Variants in GNAQ observed in about 807,000 individuals in gnomAD.
GNAQ encodes guanine nucleotide-binding protein G(q) subunit alpha.
GNAQ carries 8 observed loss-of-function variants against 43.9 expected under a neutral mutation model. That is an observed-to-expected ratio of 0.18 (90% CI 0.11 to 0.33). The LOEUF (loss-of-function observed/expected upper bound fraction) is 0.33, where lower values mean the gene tolerates loss of function less well. GNAQ is among the 10% of genes least tolerant of loss of function. GNAQ has a pLI of 1.00. For missense variants in GNAQ, 158 were observed against 450.8 expected (o/e 0.35, Z 5.88); for synonymous variants, 155 against 170.7 (o/e 0.91, Z 0.71).
chr9:77,798,443 A>ATGT (rs1826692492), intron 3 of GNAQ, among the ~76,000 whole-genome samples: 1 of 152,176 alleles, frequency 6.6e-6, no homozygotes, highest in Non-Finnish European at 1.5e-5. Flanking sequence ...ACATGATCAA[A>ATGT]ACCAGGGAAA....
chr9:77,721,413 G>A lies in GNAQ; in HGVS notation c.990C>T (p.Cys330=), dbSNP rs764430308. ...AGCGGATATTCTCGGTGTCTGTGGC[G>A]CACGTGAAGTGGGAGTAGATAATTT... is the stretch of plus-strand genomic sequence containing the variant. The part of the protein sequence containing the change: ...SDKIIYSHFT[C]ATDTENIRFV... The change falls in exon 7 of 7, where the codon TGC becomes TGT. Residue 330 remains cysteine, a synonymous_variant. Coordinates refer to ENST00000286548, the MANE Select transcript of GNAQ (RefSeq NM_002072.5). 13 of 1,612,942 alleles carry A rather than the reference G, an allele frequency of 8.1e-6. No homozygotes were observed. The East Asian group carries it at 1.6e-4, about 19-fold the overall frequency.
At chr9:78,031,048 G>C in intron 1 of GNAQ, 52 bp downstream of exon 1, 2 of 1,328,916 alleles carry the variant, frequency 1.5e-6, no homozygotes, top group South Asian at 1.8e-5. Flanking sequence ...GCAGGGCCAA[G>C]GATGGTGGGC....
intron 2 of GNAQ, among the ~76,000 whole-genome samples, chr9:77,853,894 C>A (rs1827712382): frequency 6.6e-6 from 1 of 151,906 alleles, no homozygotes; most frequent in East Asian, 1.9e-4. Flanking sequence ...CATAAACCAC[C>A]TAAATGAATT....
At chr9:77,823,746 G>A (rs1225231155) in intron 2 of GNAQ, among the ~76,000 whole-genome samples, 2 of 152,108 alleles carry the variant, frequency 1.3e-5, no homozygotes, top group Non-Finnish European at 2.9e-5. Context: ...TCACTATCAT[G>A]AGAACAGCAA....
chr9:77,924,229 T>A (rs1043242799), intron 1 of GNAQ, among the ~76,000 whole-genome samples: 3 of 152,176 alleles, frequency 2.0e-5, no homozygotes, highest in Non-Finnish European at 4.4e-5. Context: ...GAATACTGGA[T>A]AAAAGCATAA....
chr9:77,844,134 T>C (rs1169903753), intron 2 of GNAQ, among the ~76,000 whole-genome samples: 1 of 152,182 alleles, frequency 6.6e-6, no homozygotes. Context: ...AGAACACTAA[T>C]CTCAAGTTAT....
chr9:77,760,899 A>G (rs1825994641), intron 5 of GNAQ, among the ~76,000 whole-genome samples: 1 of 135,232 alleles, frequency 7.4e-6, no homozygotes. Context: ...CCCGGTCGCG[A>G]CCCCGTCTGG....
intron 1 of GNAQ, among the ~76,000 whole-genome samples, chr9:77,971,547 G>GGC (rs1823236819): frequency 6.6e-6 from 1 of 152,200 alleles, no homozygotes; most frequent in South Asian, 2.1e-4. Flanking sequence ...CGTCTCAATA[G>GGC]ATGCAGAAAA....
intron 1 of GNAQ, among the ~76,000 whole-genome samples, chr9:77,979,616 G>A (rs1449436342): frequency 1.3e-5 from 2 of 151,960 alleles, no homozygotes; most frequent in African/African-American, 4.8e-5. Flanking sequence ...AAAGCCCCAG[G>A]GTGCATGCCC....
At chr9:77,828,682 C>T (rs1435877268) in intron 2 of GNAQ, among the ~76,000 whole-genome samples, 1 of 152,210 alleles carries the variant, frequency 6.6e-6, no homozygotes, top group African/African-American at 2.4e-5. Flanking sequence ...TGGGGCTGAG[C>T]TGTCTTGCCT....
At chr9:77,935,734 T>A (rs1300723986) in intron 1 of GNAQ, among the ~76,000 whole-genome samples, 2 of 152,154 alleles carry the variant, frequency 1.3e-5, no homozygotes, top group Non-Finnish European at 2.9e-5. Context: ...AATTTAAATT[T>A]TGTCCTCTAA....
intron 2 of GNAQ, among the ~76,000 whole-genome samples, chr9:77,819,537 A>G (rs931961996): frequency 1.3e-5 from 2 of 152,140 alleles, no homozygotes; most frequent in Admixed American, 6.5e-5. Context: ...TAGAAAGCCA[A>G]ATGGTAACTT....
intron 4 of GNAQ, among the ~76,000 whole-genome samples, chr9:77,796,096 C>G (rs577238813): frequency 6.6e-6 from 1 of 152,176 alleles, no homozygotes; most frequent in Non-Finnish European, 1.5e-5. Context: ...ATATAGAATG[C>G]TGGAGCTACA....
At chr9:77,722,311 A>G (rs1466034821) in intron 6 of GNAQ, among the ~76,000 whole-genome samples, 5 of 151,496 alleles carry the variant, frequency 3.3e-5, no homozygotes, top group Admixed American at 3.3e-4. Context: ...TAATTTTTAT[A>G]TTTTTAGTAG....
chr9:77,755,029 C>T lies in GNAQ; in HGVS notation c.736-26362G>A, dbSNP rs551304477. Among the ~76,000 whole-genome samples the T allele has an allele frequency of 2.6e-5, 4 of 152,266 alleles. No homozygotes were observed. In the South Asian group the frequency reaches 8.3e-4, roughly 32 times the overall value. The stretch of plus-strand genomic sequence containing the variant: ...ATAAAGAAAATGTGATACATATACA[C>T]AATGGAGTACTACTGTGCCTTAAAA... On this transcript the variant is annotated intron_variant, in intron 5 of 6. Transcript: ENST00000286548.
At chr9:77,998,986 G>T (rs962164426) in intron 1 of GNAQ, among the ~76,000 whole-genome samples, 21 of 151,518 alleles carry the variant, frequency 1.4e-4, no homozygotes, top group Non-Finnish European at 2.4e-4. Context: ...AGCTACTTCG[G>T]GGGGCTGAGG....
rs1825441906 is a variant in GNAQ at position 77,728,895 on chromosome 9, A to T, written c.736-228T>A. 2.6e-5 allele frequency among the ~76,000 whole-genome samples: 4 copies of T among 152,218 alleles called. No individual in the cohort carries two copies. The South Asian group carries it at 8.3e-4, about 31-fold the overall frequency. On this transcript the variant is annotated intron_variant, in intron 5 of 6. Coordinates refer to ENST00000286548, the MANE Select transcript of GNAQ (RefSeq NM_002072.5). ...AAGCAGAAGAGAGTAATAATAATAA[A>T]AATCAGCTAAAATAGCTCTTACGGT...
intron 1 of GNAQ, among the ~76,000 whole-genome samples, chr9:78,014,984 AACCT>A (rs1311109475): frequency 2.6e-5 from 4 of 152,178 alleles, no homozygotes; most frequent in East Asian, 1.9e-4. Context: ...TTGTGTAACA[AACCT>A]ACCAAGCTGC....
rs568533823 is a variant in GNAQ at position 77,759,576 on chromosome 9, C to T, written c.736-30909G>A. On this transcript the variant is annotated intron_variant, in intron 5 of 6. Coordinates refer to ENST00000286548, the MANE Select transcript of GNAQ (RefSeq NM_002072.5). ...TAAGTACTGCTCCCTCTACTGTGGA[C>T]CATGTGGCAGGTCTATGGAACAGTG... Among the ~76,000 whole-genome samples, 6 of 152,290 alleles carry T rather than the reference C, an allele frequency of 3.9e-5. No homozygotes were observed. The South Asian group carries it at 1.0e-3, about 26-fold the overall frequency.
Sources: gnomAD v4.1 joint callset for allele counts (sites outside exome capture counted in the v4.1 genomes callset) on GRCh38, gnomAD v4.1.1 for gene constraint, MANE v1.5 for transcripts, NCBI Gene and HGNC (gene_info 2026-07-23, HGNC 2026-07-21) for gene names.